The following WNK3 variants were observed in gnomAD, a reference collection of about 807,000 sequenced individuals.
WNK3 encodes the protein WNK lysine deficient protein kinase 3, also known as serine/threonine-protein kinase WNK3.
WNK3 carries 18 observed loss-of-function variants against 116.7 expected under a neutral mutation model. The ratio of observed to expected loss-of-function variants is 0.15; its 90% CI spans 0.11 to 0.23. WNK3 has a LOEUF of 0.23. WNK3 is among the 10% of genes least tolerant of loss of function. The pLI, the probability that WNK3 is intolerant of heterozygous loss-of-function variation, is 1.00. For missense variants in WNK3, 993 were observed against 1,323.8 expected (o/e 0.75, Z 3.88); for synonymous variants, 404 against 469.4 (o/e 0.86, Z 1.80).
rs1195657804 is a variant in WNK3, at chrX:54,201,874, C to T, written c.5073+117G>A. 5 of 588,224 alleles carry T rather than the reference C, an allele frequency of 8.5e-6. No individual in the cohort carries two copies. The Admixed American group carries it at 1.5e-4, about 18-fold the overall frequency. 48.5% of individuals were successfully genotyped at this position (588,224 alleles called of 1,213,427 possible). A position where few individuals can be genotyped will look rare whatever the true frequency, so the allele number is the denominator to read the frequency against. ...AATGAATCTAAAAAAGGATAAAAGT[C>T]TCTATGTTATCAAGTCATACTACTC... On this transcript the variant is annotated intron_variant, in intron 23 of 23. Transcript: ENST00000354646.
chrX:54,265,441 T>G (rs913384983), intron 10 of WNK3, among the ~76,000 whole-genome samples: 1 of 110,303 alleles, frequency 9.1e-6, no homozygotes, highest in Non-Finnish European at 1.9e-5. Context: ...GAGCCGAGAT[T>G]GCGCAACTGC....
chrX:54,215,643 G>A (rs1407939788), intron 22 of WNK3, among the ~76,000 whole-genome samples: 1 of 110,993 alleles, frequency 9.0e-6, no homozygotes, highest in Non-Finnish European at 1.9e-5. Flanking sequence ...CCTCTTCCCG[G>A]CCGTCATCCC....
intron 10 of WNK3, among the ~76,000 whole-genome samples, chrX:54,274,890 A>G (rs1421192941): frequency 9.2e-6 from 1 of 108,998 alleles, no homozygotes. Flanking sequence ...ACATGCCTAG[A>G]GTCCCAGCTA....
At chrX:54,242,279 T>C (rs184662767) in intron 17 of WNK3, among the ~76,000 whole-genome samples, 74 of 111,533 alleles carry the variant, frequency 6.6e-4, no homozygotes, top group African/African-American at 1.9e-3. Context: ...AAAACATCAA[T>C]GAAAGAAATT....
At position 54,333,476 on chromosome X, in the gene WNK3, C is replaced by T; in HGVS notation, c.198G>A (p.Thr66=). 8.3e-6 allele frequency: 10 copies of T among 1,209,306 alleles called. 1 individual carries two copies. In the Middle Eastern group the frequency reaches 6.9e-4, roughly 83 times the overall value. The stretch of plus-strand genomic sequence containing the variant: ...ATGATTCGGCAACTTTGTCATCTTC[C>T]GTCATTTCAACACTCTTTCGGAAAA... The change falls in exon 2 of 24, where the codon ACG becomes ACA. Residue 66 remains threonine (T), a synonymous_variant. Transcript: ENST00000354646.
At chrX:54,320,084 G>A (rs1355844779) in intron 2 of WNK3, among the ~76,000 whole-genome samples, 1 of 111,312 alleles carries the variant, frequency 9.0e-6, no homozygotes, top group African/African-American at 3.3e-5. Flanking sequence ...TGATAAATAG[G>A]AGTCAAATAC....
rs782042256 is a variant in WNK3, at chrX:54,333,477, G to A, written c.197C>T (p.Thr66Met). The change falls in exon 2 of 24, where the codon ACG (threonine) becomes ATG (methionine). Residue 66 changes from threonine to methionine, a missense_variant. By Grantham distance (81) the Thr-to-Met change is moderately conservative (BLOSUM62 -1). Around this residue, in one of 4 missense-constraint regions of WNK3, gnomAD observed 92 missense variants for 98.7 expected, o/e 0.93. Transcript: ENST00000354646. ...TGATTCGGCAACTTTGTCATCTTCC[G>A]TCATTTCAACACTCTTTCGGAAAAA... is the stretch of plus-strand genomic sequence containing the variant. 58 of 1,208,935 alleles carry A rather than the reference G, an allele frequency of 4.8e-5. No homozygotes were observed. The highest frequency in any genetic ancestry group is 2.3e-4 in the Middle Eastern group (1 of 4,372).
At chrX:54,197,185 T>A (rs1253642790) in exon 24 of WNK3, 3 of 111,951 alleles carry the variant, frequency 2.7e-5, no homozygotes, top group Non-Finnish European at 5.6e-5. Flanking sequence ...CAAACGAGAT[T>A]CATATCAGCT....
chrX:54,251,933 CGGGTGCCTGTAATCCCAGCTACT>C (rs2068135080), intron 13 of WNK3, among the ~76,000 whole-genome samples: 1 of 108,187 alleles, frequency 9.2e-6, no homozygotes, highest in Non-Finnish European at 1.9e-5. Context: ...GGTATGATGG[CGGGTGCCTGTAATCCCAGCTACT>C]TGGGAGGCTG....
intron 3 of WNK3, among the ~76,000 whole-genome samples, chrX:54,309,657 C>G (rs2068864176): frequency 9.0e-6 from 1 of 111,283 alleles, no homozygotes; most frequent in Non-Finnish European, 1.9e-5. Context: ...CTCAGCCTCC[C>G]AAGTAACTGG....
chrX:54,294,655 C>A lies in WNK3; in HGVS notation c.1591G>T (p.Ala531Ser), dbSNP rs782320716. 17 of 1,207,281 alleles carry A rather than the reference C, an allele frequency of 1.4e-5. No homozygotes were observed. In the Admixed American group the frequency reaches 3.5e-4, roughly 25 times the overall value. Residue 531 changes from alanine (A) to serine (S), a missense_variant, in exon 8 of 24, where the codon GCT (alanine) becomes TCT (serine). Coordinates refer to ENST00000354646, the Ensembl canonical transcript of WNK3. ...TCACATTCAGCCCCAGTTTGCTGAG[C>A]GGGAGCAAGGGGTAAAGTTGTATTC...
intron 9 of WNK3, 35 bp from the exon 10 acceptor site, chrX:54,293,072 A>G (rs375828878): frequency 4.2e-6 from 5 of 1,195,029 alleles, no homozygotes; most frequent in Non-Finnish European, 2.3e-6. Flanking sequence ...ATTAAAGATA[A>G]ACTTTCCCAT....
At chrX:54,310,349 T>C (rs982705150) in intron 3 of WNK3, among the ~76,000 whole-genome samples, 5 of 109,085 alleles carry the variant, frequency 4.6e-5, no homozygotes, top group Non-Finnish European at 9.5e-5. Context: ...GAGACCAGCC[T>C]GGGCAACACG....
chrX:54,332,600 T>C (rs1171907274), intron 2 of WNK3, among the ~76,000 whole-genome samples: 1 of 111,530 alleles, frequency 9.0e-6, no homozygotes, highest in Non-Finnish European at 1.9e-5. Context: ...AAGAAAGTCA[T>C]GATAGGCCAG....
chrX:54,356,532 C>T (rs1028399465), intron 1 of WNK3, among the ~76,000 whole-genome samples: 1 of 111,156 alleles, frequency 9.0e-6, no homozygotes, highest in Non-Finnish European at 1.9e-5. Flanking sequence ...CTTGAGCTGT[C>T]GAGTTTAAAC....
intron 18 of WNK3, 117 bp downstream of exon 18, chrX:54,238,751 T>C: frequency 1.7e-6 from 1 of 584,330 alleles, no homozygotes; most frequent in Non-Finnish European, 2.6e-6. Context: ...TAATGGGACA[T>C]GTCACATACA....
chrX:54,201,911 CTG>C, intron 23 of WNK3, 78 bp downstream of exon 23: 1 of 835,970 alleles, frequency 1.2e-6, no homozygotes, highest in Non-Finnish European at 1.7e-6. Context: ...CTCATAGTGA[CTG>C]TAACTATAGG....
chrX:54,192,977 A>G (rs1253075467), exon 24 of WNK3: 4 of 111,103 alleles, frequency 3.6e-5, no homozygotes, highest in Non-Finnish European at 7.6e-5. Flanking sequence ...AAGAACCAAA[A>G]TAAGACAGTT....
chrX:54,224,581 T>G (rs75713543), intron 22 of WNK3, among the ~76,000 whole-genome samples: 1 of 109,277 alleles, frequency 9.2e-6, no homozygotes, highest in African/African-American at 3.3e-5. Context: ...TTTTTTTTTT[T>G]CTTTTTGAGA....
Sources: gnomAD v4.1 joint callset for allele counts (sites outside exome capture counted in the v4.1 genomes callset) on GRCh38, gnomAD v4.1.1 for gene constraint, gnomAD v4.1.1 regional missense constraint, MANE v1.5 for transcripts, NCBI Gene and HGNC (gene_info 2026-07-23, HGNC 2026-07-21) for gene names.